The following TENM2 variants were observed in gnomAD, a reference collection of about 807,000 sequenced individuals.
TENM2 encodes the protein teneurin transmembrane protein 2.
A neutral mutation model predicts 245.2 loss-of-function variants in TENM2; 52 were observed. The observed-to-expected ratio is 0.21, with a 90% CI of 0.17 to 0.27. The LOEUF is 0.27. Among genes scored for constraint, TENM2 ranks in the 10% least tolerant of loss-of-function variants. The pLI is 1.00. For missense variants in TENM2, 3,046 were observed against 3,666.8 expected, an observed-to-expected ratio of 0.83 and a Z score of 4.37; for synonymous variants, 1,363 against 1,438.9, an observed-to-expected ratio of 0.95 and a Z score of 1.19.
intron 2 of TENM2, among the ~76,000 whole-genome samples, chr5:167,465,800 T>C (rs1293850327): frequency 6.6e-6 from 1 of 151,622 alleles, no homozygotes; most frequent in Non-Finnish European, 1.5e-5. Context: ...CACTGCACTC[T>C]GGCCTGGGTG....
Position 167,996,690 on chromosome 5 carries a change from G to T in TENM2, c.1186+3508G>T, listed in dbSNP as rs920261769. Among the ~76,000 whole-genome samples the T allele has an allele frequency of 2.6e-5, 4 of 151,508 alleles. No individual in the cohort carries two copies. In the South Asian group the frequency reaches 8.3e-4, roughly 32 times the overall value. Reference sequence around the variant, plus strand: ...CTAGTTAGAACCTTCTACCTGTTTAGAACTAGAAGCATTTCCATTTGAATC... The same window carrying T: ...CTAGTTAGAACCTTCTACCTGTTTATAACTAGAAGCATTTCCATTTGAATC... On this transcript the variant is annotated intron_variant, in intron 5 of 28. Transcript: ENST00000518659.
chr5:167,188,319 C>A, the TENM2 span, among the ~76,000 whole-genome samples: 1 of 152,190 alleles, frequency 6.6e-6, no homozygotes, highest in African/African-American at 2.4e-5. Context: ...CGGGCTGCTG[C>A]TGGAAAGGGC....
intron 3 of TENM2, among the ~76,000 whole-genome samples, chr5:167,908,633 C>T (rs1214401486): frequency 8.1e-6 from 1 of 123,344 alleles, no homozygotes; most frequent in Non-Finnish European, 1.7e-5. Flanking sequence ...CCTCCCCTCC[C>T]CTTCCCTCCT....
chr5:167,238,461 A>T, the TENM2 span, among the ~76,000 whole-genome samples: 1 of 152,152 alleles, frequency 6.6e-6, no homozygotes, highest in East Asian at 1.9e-4. Flanking sequence ...TCTCTCCATG[A>T]AGATAGGCTT....
intron 17 of TENM2, among the ~76,000 whole-genome samples, chr5:168,202,542 G>A (rs2152535650): frequency 6.7e-6 from 1 of 149,700 alleles, no homozygotes; most frequent in South Asian, 2.2e-4. Flanking sequence ...TGGTGTCATT[G>A]TGTTCATTTC....
chr5:167,426,324 T>C (rs1456478006), intron 2 of TENM2, among the ~76,000 whole-genome samples: 2 of 152,188 alleles, frequency 1.3e-5, no homozygotes, highest in Non-Finnish European at 2.9e-5. Context: ...AAAAGTTTTA[T>C]TTAAAAATAC....
chr5:167,776,706 C>G (rs1430435748), intron 2 of TENM2, among the ~76,000 whole-genome samples: 1 of 139,334 alleles, frequency 7.2e-6, no homozygotes, highest in Non-Finnish European at 1.5e-5. Context: ...AGGGGCAGGG[C>G]CAACCTTTCT....
intron 2 of TENM2, among the ~76,000 whole-genome samples, chr5:167,469,009 TCTAA>T (rs1766843459): frequency 6.6e-6 from 1 of 152,222 alleles, no homozygotes; most frequent in African/African-American, 2.4e-5. Flanking sequence ...GTATTTTAAT[TCTAA>T]CTTTGTTTTC....
intron 2 of TENM2, among the ~76,000 whole-genome samples, chr5:167,719,941 A>G (rs1759517176): frequency 6.6e-6 from 1 of 152,138 alleles, no homozygotes. Flanking sequence ...GCATATTCCA[A>G]ACTGCACTCC....
the TENM2 span, among the ~76,000 whole-genome samples, chr5:167,187,472 T>C: frequency 6.6e-6 from 1 of 152,216 alleles, no homozygotes; most frequent in African/African-American, 2.4e-5. Flanking sequence ...TAGCTTTACA[T>C]GACAGATGTT....
intron 2 of TENM2, among the ~76,000 whole-genome samples, chr5:167,724,795 C>A (rs1367199232): frequency 6.6e-6 from 1 of 152,098 alleles, no homozygotes; most frequent in East Asian, 1.9e-4. Flanking sequence ...CTGAGACGGA[C>A]AGTAGCTTGA....
chr5:168,075,581 AT>A (rs1220857244), intron 7 of TENM2, among the ~76,000 whole-genome samples: 2 of 152,140 alleles, frequency 1.3e-5, no homozygotes, highest in African/African-American at 4.8e-5. Context: ...GTCACTGGAG[AT>A]TAGATTTGTC....
At chr5:167,811,032 T>C (rs1404362740) in intron 2 of TENM2, among the ~76,000 whole-genome samples, 1 of 152,176 alleles carries the variant, frequency 6.6e-6, no homozygotes. Context: ...CTGAGACTTA[T>C]GCTACTGAGA....
the TENM2 span, among the ~76,000 whole-genome samples, chr5:167,210,447 C>T: frequency 0.21 from 30,094 of 146,750 alleles, 3,708 homozygotes; most frequent in African/African-American, 0.34. Flanking sequence ...GCACTTTTCA[C>T]TGCATTTTTT....
the TENM2 span, among the ~76,000 whole-genome samples, chr5:167,202,789 G>C: frequency 6.6e-6 from 1 of 152,110 alleles, no homozygotes; most frequent in African/African-American, 2.4e-5. Flanking sequence ...TCTGTGGCCT[G>C]TGTCTGAGAT....
intron 2 of TENM2, among the ~76,000 whole-genome samples, chr5:167,684,859 A>G (rs1401437468): frequency 6.6e-6 from 1 of 152,192 alleles, no homozygotes; most frequent in Non-Finnish European, 1.5e-5. Context: ...TAATGCCACT[A>G]TATCATAGAT....
At chr5:167,244,423 C>A in the TENM2 span, among the ~76,000 whole-genome samples, 1 of 152,174 alleles carries the variant, frequency 6.6e-6, no homozygotes, top group African/African-American at 2.4e-5. Context: ...TTTTGAGTAT[C>A]TGGAAGCATC....
intron 14 of TENM2, among the ~76,000 whole-genome samples, chr5:168,193,870 A>G (rs1761159110): frequency 6.6e-6 from 1 of 152,256 alleles, no homozygotes; most frequent in Non-Finnish European, 1.5e-5. Flanking sequence ...AAAAGAGTCT[A>G]GCATTGTGGT....
At chr5:167,879,481 T>C (rs1773697406) in intron 3 of TENM2, among the ~76,000 whole-genome samples, 1 of 152,172 alleles carries the variant, frequency 6.6e-6, no homozygotes. Flanking sequence ...TCCTATGGAA[T>C]AACTCATCTG....
Sources: gnomAD v4.1 joint callset for allele counts (sites outside exome capture counted in the v4.1 genomes callset) on GRCh38, gnomAD v4.1.1 for gene constraint, MANE v1.5 for transcripts, NCBI Gene and HGNC (gene_info 2026-07-23, HGNC 2026-07-21) for gene names.